Variants in SCAPER observed in about 807,000 individuals in gnomAD.
SCAPER encodes the protein S-phase cyclin A associated protein in the ER.
In SCAPER, 98 loss-of-function variants were observed where a neutral mutation model predicts 182.2. That is an observed-to-expected ratio of 0.54 (90% CI 0.46 to 0.64). The LOEUF (loss-of-function observed/expected upper bound fraction) is 0.64, where lower values mean the gene tolerates loss of function less well. Among genes scored for constraint, SCAPER ranks in the 30% least tolerant of loss-of-function variants. SCAPER has a pLI of 0.00. For synonymous variants in SCAPER, 605 were observed against 564.6 expected, an observed-to-expected ratio of 1.07 and a Z score of -1.01; for missense variants, 1,432 against 1,690.0, an observed-to-expected ratio of 0.85 and a Z score of 2.68.
intron 23 of SCAPER, among the ~76,000 whole-genome samples, chr15:76,542,516 T>C (rs2144771267): frequency 6.6e-6 from 1 of 150,896 alleles, no homozygotes; most frequent in South Asian, 2.1e-4. Flanking sequence ...AGAGCGAGAC[T>C]CCATCTCCAT....
intron 28 of SCAPER, among the ~76,000 whole-genome samples, chr15:76,378,608 T>G (rs2042730026): frequency 6.6e-6 from 1 of 152,196 alleles, no homozygotes; most frequent in South Asian, 2.1e-4. Flanking sequence ...GATGTGTTGC[T>G]TTAGCTGGTG....
At chr15:76,568,915 T>C (rs893993676) in intron 23 of SCAPER, among the ~76,000 whole-genome samples, 7 of 152,022 alleles carry the variant, frequency 4.6e-5, no homozygotes, top group African/African-American at 1.7e-4. Flanking sequence ...GATTTTTATA[T>C]ACTGCCCATT....
At chr15:76,724,899 C>T (rs951120551) in intron 17 of SCAPER, among the ~76,000 whole-genome samples, 4 of 152,098 alleles carry the variant, frequency 2.6e-5, no homozygotes, top group Non-Finnish European at 5.9e-5. Context: ...GAGTAGTCCG[C>T]TGTTCTGAAG....
chr15:76,865,417 T>C (rs1409044576), intron 2 of SCAPER, among the ~76,000 whole-genome samples: 1 of 152,190 alleles, frequency 6.6e-6, no homozygotes, highest in Non-Finnish European at 1.5e-5. Flanking sequence ...TATTTAGTGG[T>C]ATAGTAGGGT....
intron 20 of SCAPER, among the ~76,000 whole-genome samples, chr15:76,673,986 CA>C (rs2057207848): frequency 6.8e-6 from 1 of 146,542 alleles, no homozygotes; most frequent in Admixed American, 6.8e-5. Context: ...CACACACACA[CA>C]CACCCCAATC....
At chr15:76,775,346 C>T (rs867572780) in intron 8 of SCAPER, among the ~76,000 whole-genome samples, 11 of 151,896 alleles carry the variant, frequency 7.2e-5, no homozygotes, top group African/African-American at 2.2e-4. Context: ...TAAGGCTGAC[C>T]TAAGGCCAGT....
At chr15:76,387,662 G>C (rs2043376546) in intron 27 of SCAPER, among the ~76,000 whole-genome samples, 1 of 152,206 alleles carries the variant, frequency 6.6e-6, no homozygotes, top group Admixed American at 6.5e-5. Flanking sequence ...AGTAGGGTAA[G>C]AAGGAAACCA....
At chr15:76,821,090 T>G (rs1199173372) in intron 5 of SCAPER, among the ~76,000 whole-genome samples, 1 of 152,118 alleles carries the variant, frequency 6.6e-6, no homozygotes, top group Non-Finnish European at 1.5e-5. Flanking sequence ...AACTAAACGT[T>G]CTCTTACCAT....
chr15:76,684,534 A>G (rs2057917021), intron 20 of SCAPER, among the ~76,000 whole-genome samples: 1 of 151,996 alleles, frequency 6.6e-6, no homozygotes, highest in Non-Finnish European at 1.5e-5. Flanking sequence ...TAAAAATAAA[A>G]AAAACCTTAG....
At chr15:76,538,894 C>T (rs981645641) in intron 23 of SCAPER, among the ~76,000 whole-genome samples, 5 of 151,970 alleles carry the variant, frequency 3.3e-5, no homozygotes, top group African/African-American at 1.2e-4. Flanking sequence ...TCCATTCCTC[C>T]GAAAAACATG....
chr15:76,383,468 A>T (rs1028525133), intron 27 of SCAPER, among the ~76,000 whole-genome samples: 1 of 152,222 alleles, frequency 6.6e-6, no homozygotes, highest in African/African-American at 2.4e-5. Flanking sequence ...ATACAGCCAA[A>T]TGATATGACA....
chr15:76,734,011 T>C (rs1241058644), intron 15 of SCAPER, among the ~76,000 whole-genome samples: 6 of 152,226 alleles, frequency 3.9e-5, no homozygotes, highest in African/African-American at 1.2e-4. Context: ...CTTACAAAGT[T>C]CTACTTAATA....
intron 18 of SCAPER, among the ~76,000 whole-genome samples, chr15:76,704,338 A>AT (rs1567854156): frequency 6.6e-6 from 1 of 152,014 alleles, no homozygotes; most frequent in Non-Finnish European, 1.5e-5. Context: ...TAGATCCCAT[A>AT]TGTCAATTTT....
At chr15:76,880,317 T>C (rs2073452900) in intron 2 of SCAPER, among the ~76,000 whole-genome samples, 1 of 152,220 alleles carries the variant, frequency 6.6e-6, no homozygotes, top group Admixed American at 6.5e-5. Context: ...AAAAGTGTTG[T>C]TAAAGATTTT....
intron 22 of SCAPER, among the ~76,000 whole-genome samples, chr15:76,587,760 GCTGTTGGGTAGAAATAT>G (rs1202004286): frequency 6.6e-6 from 1 of 152,072 alleles, no homozygotes; most frequent in Non-Finnish European, 1.5e-5. Context: ...ATATTCTGTG[GCTGTTGGGTAGAAATAT>G]CTGTTAAGTC....
At position 76,690,529 on chromosome 15, in the gene SCAPER, T is replaced by C. The variant is rs564086940; in HGVS notation, c.2508+11229A>G. Among the ~76,000 whole-genome samples the C allele has an allele frequency of 3.2e-3, 483 of 152,302 alleles. 5 individuals carry two copies. Among genetic ancestry groups the C allele is most frequent in the African/African-American group, 0.011 (461 of 41,586 alleles). On this transcript the variant is annotated intron_variant, in intron 20 of 31. Transcript: ENST00000563290. ...GTGTTTAGTTATATTAATGTACCAC[T>C]GTTTATTAATTTTAACAAATTTAAC...
intron 17 of SCAPER, among the ~76,000 whole-genome samples, chr15:76,721,632 G>A (rs1278406642): frequency 6.6e-6 from 1 of 151,932 alleles, no homozygotes; most frequent in Non-Finnish European, 1.5e-5. Context: ...TCCTTGAAGA[G>A]GTCCTTCACG....
intron 23 of SCAPER, among the ~76,000 whole-genome samples, chr15:76,526,865 T>A (rs1383265505): frequency 6.6e-6 from 1 of 152,010 alleles, no homozygotes; most frequent in Non-Finnish European, 1.5e-5. Context: ...AGTTTTTTTT[T>A]TTATTTTTAT....
intron 21 of SCAPER, among the ~76,000 whole-genome samples, chr15:76,658,534 A>G (rs1055514352): frequency 6.6e-6 from 1 of 152,204 alleles, no homozygotes; most frequent in Non-Finnish European, 1.5e-5. Context: ...TAACAATGAT[A>G]TTCTTAACAA....
Sources: gnomAD v4.1 joint callset for allele counts (sites outside exome capture counted in the v4.1 genomes callset) on GRCh38, gnomAD v4.1.1 for gene constraint, MANE v1.5 for transcripts, NCBI Gene and HGNC (gene_info 2026-07-23, HGNC 2026-07-21) for gene names.